WWOX: variants seen among roughly 807,000 people sequenced by gnomAD.
WWOX encodes WW domain containing oxidoreductase.
WWOX carries 69 observed loss-of-function variants against 46.2 expected under a neutral mutation model. That is an observed-to-expected ratio of 1.49 (90% CI 1.23 to 1.82). The LOEUF is 1.82. WWOX is among the 40% of genes most tolerant of loss of function. The pLI, the probability that WWOX is intolerant of heterozygous loss-of-function variation, is 0.00. For synonymous variants in WWOX, 359 were observed against 202.6 expected (o/e 1.77, Z -6.56); for missense variants, 919 against 542.6 (o/e 1.69, Z -6.89).
chr16:78,578,756 A>G (rs1159356732), intron 8 of WWOX, among the ~76,000 whole-genome samples: 5 of 152,324 alleles, frequency 3.3e-5, no homozygotes, highest in Middle Eastern at 3.4e-3. Flanking sequence ...ATGGAAATGA[A>G]TACAACCGCA....
At chr16:78,323,939 C>G (rs904755608) in intron 5 of WWOX, among the ~76,000 whole-genome samples, 5 of 152,162 alleles carry the variant, frequency 3.3e-5, no homozygotes, top group African/African-American at 1.2e-4. Flanking sequence ...CTTTACTGAG[C>G]AGCAGCTGGG....
At chr16:78,981,106 C>T (rs528010058) in intron 8 of WWOX, among the ~76,000 whole-genome samples, 1 of 152,178 alleles carries the variant, frequency 6.6e-6, no homozygotes, top group Non-Finnish European at 1.5e-5. Flanking sequence ...TGTGGAGTCC[C>T]ATGCCTTGGT....
intron 8 of WWOX, chr16:79,205,627 A>G (rs573473539): frequency 1.3e-5 from 2 of 152,290 alleles, no homozygotes; most frequent in African/African-American, 4.8e-5. Context: ...CCTCTTCTAT[A>G]ATAAAGGTTA....
intron 8 of WWOX, among the ~76,000 whole-genome samples, chr16:78,933,739 G>A (rs896148040): frequency 2.6e-5 from 4 of 152,068 alleles, no homozygotes; most frequent in East Asian, 1.9e-4. Flanking sequence ...ATCTGATCTC[G>A]TGAGACTTAT....
intron 8 of WWOX, among the ~76,000 whole-genome samples, chr16:79,093,628 C>T (rs1338541761): frequency 1.3e-5 from 2 of 152,196 alleles, no homozygotes; most frequent in African/African-American, 4.8e-5. Context: ...CCCATTGGCA[C>T]CCACAACAAA....
chr16:78,682,792 C>G (rs12149559), intron 8 of WWOX, among the ~76,000 whole-genome samples: 2 of 152,174 alleles, frequency 1.3e-5, no homozygotes, highest in African/African-American at 2.4e-5. Flanking sequence ...ACTTCTTGCA[C>G]CATTCATTTG....
chr16:78,956,098 G>A (rs2046161248), intron 8 of WWOX, among the ~76,000 whole-genome samples: 3 of 152,144 alleles, frequency 2.0e-5, no homozygotes, highest in East Asian at 3.9e-4. Flanking sequence ...CAGAGCCCTG[G>A]CTCACTATCT....
intron 5 of WWOX, among the ~76,000 whole-genome samples, chr16:78,373,472 C>T (rs78758573): frequency 6.6e-6 from 1 of 152,284 alleles, no homozygotes; most frequent in East Asian, 1.9e-4. Context: ...GCTCAGTGAC[C>T]ATTAGTGGAA....
chr16:78,900,057 CTT>C (rs754732541), intron 8 of WWOX, among the ~76,000 whole-genome samples: 235 of 102,166 alleles, frequency 2.3e-3, no homozygotes, highest in African/African-American at 4.3e-3. Flanking sequence ...GCCCTCCTGA[CTT>C]TTTTTTTTTT....
chr16:78,125,261 C>T (rs1208279368), intron 4 of WWOX, among the ~76,000 whole-genome samples: 5 of 152,128 alleles, frequency 3.3e-5, no homozygotes, highest in South Asian at 2.1e-4. Flanking sequence ...GGTGAGGTAA[C>T]GTGCTTGAGA....
intron 5 of WWOX, among the ~76,000 whole-genome samples, chr16:78,363,722 T>C (rs979501193): frequency 6.6e-6 from 1 of 152,156 alleles, no homozygotes; most frequent in African/African-American, 2.4e-5. Flanking sequence ...CCTCAACCTG[T>C]TAGAAACAAG....
intron 8 of WWOX, among the ~76,000 whole-genome samples, chr16:78,878,734 C>G (rs1041236043): frequency 4.0e-5 from 6 of 151,890 alleles, no homozygotes; most frequent in Non-Finnish European, 7.4e-5. Flanking sequence ...GGCTTCTATC[C>G]TGACAATGTT....
chr16:78,182,671 C>T (rs913104462), intron 5 of WWOX, among the ~76,000 whole-genome samples: 2 of 151,966 alleles, frequency 1.3e-5, no homozygotes, highest in Non-Finnish European at 2.9e-5. Flanking sequence ...CAAAGGTTCT[C>T]ACTGGGTGTG....
At chr16:78,655,279 T>G (rs548934354) in intron 8 of WWOX, among the ~76,000 whole-genome samples, 1 of 152,272 alleles carries the variant, frequency 6.6e-6, no homozygotes, top group African/African-American at 2.4e-5. Context: ...CTAATTTGAT[T>G]TGATCACTTA....
intron 6 of WWOX, among the ~76,000 whole-genome samples, chr16:78,414,223 C>T (rs2082747240): frequency 6.6e-6 from 1 of 152,166 alleles, no homozygotes; most frequent in East Asian, 1.9e-4. Flanking sequence ...ACACCTATTT[C>T]CCTTTGCTGA....
intron 5 of WWOX, among the ~76,000 whole-genome samples, chr16:78,275,382 G>T (rs1157232765): frequency 6.6e-6 from 1 of 152,174 alleles, no homozygotes; most frequent in Non-Finnish European, 1.5e-5. Flanking sequence ...CACCGGGTCA[G>T]CTCACACCAA....
chr16:79,010,284 C>T (rs550971067), intron 8 of WWOX, among the ~76,000 whole-genome samples: 2 of 152,314 alleles, frequency 1.3e-5, no homozygotes, highest in South Asian at 4.1e-4. Flanking sequence ...ACGAGGGAGA[C>T]ACTCACATTA....
At chr16:78,944,008 A>G (rs2045902080) in intron 8 of WWOX, among the ~76,000 whole-genome samples, 1 of 152,182 alleles carries the variant, frequency 6.6e-6, no homozygotes, top group Non-Finnish European at 1.5e-5. Flanking sequence ...CTCATCAAGG[A>G]AAGGACGTTT....
intron 8 of WWOX, among the ~76,000 whole-genome samples, chr16:79,003,763 C>T (rs1043903204): frequency 1.3e-5 from 2 of 152,164 alleles, no homozygotes; most frequent in African/African-American, 2.4e-5. Flanking sequence ...AGAAGTGGCA[C>T]GGCCTTTTCT....
Sources: gnomAD v4.1 joint callset for allele counts (sites outside exome capture counted in the v4.1 genomes callset) on GRCh38, gnomAD v4.1.1 for gene constraint, MANE v1.5 for transcripts, NCBI Gene and HGNC (gene_info 2026-07-23, HGNC 2026-07-21) for gene names.